SAMD14: variants seen among roughly 807,000 people sequenced by gnomAD.
SAMD14 encodes the protein sterile alpha motif domain containing 14.
In SAMD14, 27 loss-of-function variants were observed where a neutral mutation model predicts 46.2. The observed-to-expected ratio is 0.58, with a 90% CI of 0.43 to 0.81. SAMD14 has a LOEUF of 0.81. SAMD14 is among the 30% of genes least tolerant of loss of function. The pLI is 0.00. For synonymous variants in SAMD14, 241 were observed against 254.3 expected (o/e 0.95, Z 0.50); for missense variants, 559 against 582.2 (o/e 0.96, Z 0.41).
At chr17:50,119,874 C>T (rs1911417672) in intron 2 of SAMD14, among the ~76,000 whole-genome samples, 1 of 152,206 alleles carries the variant, frequency 6.6e-6, no homozygotes, top group Admixed American at 6.5e-5. Context: ...CACCCCAGAG[C>T]TGCTCCTCCC....
At position 50,112,698 on chromosome 17, in the gene SAMD14, C is replaced by G. The variant is rs141795559; in HGVS notation, c.*195G>C. The G allele has an allele frequency of 6.8e-6, 4 of 586,578 alleles. No homozygotes were observed. The highest frequency in any genetic ancestry group is 6.0e-5 in the East Asian group (2 of 33,266). 36.3% of individuals were successfully genotyped at this position (586,578 alleles called of 1,614,324 possible). On this transcript the variant is annotated 3_prime_UTR_variant, in exon 10 of 10. Transcript: ENST00000330175. ...CTCAAAATAGGATTTATTACTAGGC[C>G]CTCTCCCTGGGGTCTCCCTTTCTGG...
At chr17:50,122,379 CT>C (rs1027810633) in intron 2 of SAMD14, among the ~76,000 whole-genome samples, 1 of 152,184 alleles carries the variant, frequency 6.6e-6, no homozygotes, top group Non-Finnish European at 1.5e-5. Context: ...CTAGTGCATG[CT>C]TTGGCGGAGA....
rs1911188425 is a variant in SAMD14 at position 50,116,101 on chromosome 17, A to T, written c.500-11T>A. ...CGTCACGGCTGTCATCTTTCCAGGG[A>T]GAGAAGGAAGGAAACTGCCTGTTTG... On this transcript the variant is annotated splice_polypyrimidine_tract_variant and intron_variant, in intron 4 of 9. Coordinates refer to ENST00000330175, the MANE Select transcript of SAMD14 (RefSeq NM_001257359.2). 1 of 1,609,282 alleles carries T rather than the reference A, an allele frequency of 6.2e-7. No homozygotes were observed. The highest frequency in any genetic ancestry group is 1.3e-5 in the African/African-American group (1 of 74,940).
chr17:50,128,904 A>C (rs1036634261), intron 1 of SAMD14, among the ~76,000 whole-genome samples: 2 of 152,142 alleles, frequency 1.3e-5, no homozygotes, highest in Non-Finnish European at 2.9e-5. Flanking sequence ...AGAAGGGAGA[A>C]GCCCTTCGGG....
At position 50,115,647 on chromosome 17, in the gene SAMD14, C is replaced by T; in HGVS notation, c.739G>A (p.Gly247Ser). ...PFSWFTDSGK[G>S]SASSGSTTSP... Reference sequence around the variant, plus strand: ...GTGGTGCTACCCGAGGATGCTGAGCCCTTGCCGCTGTCCGTGAACCAGGAA... The same window carrying T: ...GTGGTGCTACCCGAGGATGCTGAGCTCTTGCCGCTGTCCGTGAACCAGGAA... Residue 247 changes from glycine to serine, a missense_variant, in exon 7 of 10, where the codon GGC becomes AGC. Transcript: ENST00000330175. This position sits in a 1 kb window ranked among gnomAD's most constrained non-coding sequence, Gnocchi z 5.3. 1 of 1,608,390 alleles carries T rather than the reference C, an allele frequency of 6.2e-7. No homozygotes were observed. Among genetic ancestry groups the T allele is most frequent in the Non-Finnish European group, 8.5e-7 (1 of 1,176,466 alleles).
At chr17:50,122,435 C>A (rs1370998937) in intron 2 of SAMD14, among the ~76,000 whole-genome samples, 1 of 152,106 alleles carries the variant, frequency 6.6e-6, no homozygotes, top group Non-Finnish European at 1.5e-5. Flanking sequence ...CACCTCCATG[C>A]CCATGCCCAC....
chr17:50,113,576 A>C, intron 9 of SAMD14: 1 of 331,974 alleles, frequency 3.0e-6, no homozygotes, highest in South Asian at 3.2e-5. Context: ...GAATCAGACC[A>C]AGCTGACCAG....
chr17:50,129,013 C>T lies in SAMD14; in HGVS notation c.-13+504G>A, dbSNP rs1466456792. Among the ~76,000 whole-genome samples, 1 of 152,190 alleles carries T rather than the reference C, an allele frequency of 6.6e-6. No individual in the cohort carries two copies. The highest frequency in any genetic ancestry group is 1.5e-5 in the Non-Finnish European group (1 of 68,024). ...GTGGATGGGAAAGGAGACTAGCGGTCGGGGAGGCAGTTGTGGAGCCAGAGA... is the reference window on the plus strand; with the variant it reads ...GTGGATGGGAAAGGAGACTAGCGGTTGGGGAGGCAGTTGTGGAGCCAGAGA... On this transcript the variant is annotated intron_variant, in intron 1 of 9. Transcript: ENST00000330175. The surrounding 1 kb of genome is among the most constrained non-coding windows in gnomAD (Gnocchi z 5.6).
intron 2 of SAMD14, chr17:50,124,241 G>C (rs183846702): frequency 1.1e-5 from 5 of 453,836 alleles, no homozygotes; most frequent in African/African-American, 6.0e-5. Context: ...AAGATTGCAG[G>C]GGGTAAATGA....
In SAMD14 at chr17:50,112,791, G is replaced by T; in HGVS notation, c.*102C>A. The T allele has an allele frequency of 7.2e-7, 1 of 1,384,754 alleles. No individual in the cohort carries two copies. The highest frequency in any genetic ancestry group is 9.8e-7 in the Non-Finnish European group (1 of 1,023,560). The allele number at this position is 1,384,754 out of a possible 1,614,324, so 85.8% of individuals were successfully genotyped here. A position where few individuals can be genotyped will look rare whatever the true frequency, so the allele number is the denominator to read the frequency against. On this transcript the variant is annotated 3_prime_UTR_variant, in exon 10 of 10. Coordinates refer to ENST00000330175, the MANE Select transcript of SAMD14 (RefSeq NM_001257359.2). ...GTCCCCCCTGAGAGCGTGGGACCAG[G>T]CTAGCCCAAGTGCAGCGCCCAGGTC...
At chr17:50,114,127 G>C in intron 8 of SAMD14, 48 bp from the exon 9 acceptor site, 1 of 1,613,934 alleles carries the variant, frequency 6.2e-7, no homozygotes, top group African/African-American at 1.3e-5. Flanking sequence ...CCTGTGACCT[G>C]AGCACCTTGC....
At chr17:50,124,314 T>G (rs1911645601) in intron 2 of SAMD14, among the ~76,000 whole-genome samples, 1 of 151,958 alleles carries the variant, frequency 6.6e-6, no homozygotes, top group Non-Finnish European at 1.5e-5. Context: ...CAGGCCAGCA[T>G]GAGGGGGCCA....
intron 1 of SAMD14, among the ~76,000 whole-genome samples, chr17:50,126,177 C>T (rs1911760233): frequency 6.6e-6 from 1 of 152,200 alleles, no homozygotes; most frequent in African/African-American, 2.4e-5. Flanking sequence ...AATGGCAAGG[C>T]ACTGAGCTAG....
Position 50,115,581 on chromosome 17 carries a change from T to G in SAMD14, c.805A>C (p.Lys269Gln), listed in dbSNP as rs774514060. The G allele has an allele frequency of 4.8e-5, 74 of 1,554,122 alleles. No individual in the cohort carries two copies. Among genetic ancestry groups the G allele is most frequent in the Non-Finnish European group, 6.3e-5 (72 of 1,147,884 alleles). The change falls in exon 7 of 10, where the codon AAG becomes CAG. Residue 269 changes from lysine (K) to glutamine (Q), a missense_variant. Physicochemically the swap from Lys to Gln is moderately conservative, Grantham distance 53 (BLOSUM62 1). Coordinates refer to ENST00000330175, the MANE Select transcript of SAMD14 (RefSeq NM_001257359.2). This position sits in a 1 kb window ranked among gnomAD's most constrained non-coding sequence, Gnocchi z 5.3. ...GGACTTACCTGGGAAGCTGACTTCT[T>G]AGGGCTGAAGCCCTCGTGTTTAGGG... ...CSPKHEGFSP[K>Q]KSASQESTLS...
Position 50,113,017 on chromosome 17 carries a change from G to A in SAMD14, c.1130C>T (p.Ala377Val), listed in dbSNP as rs746986172. Reference sequence around the variant, plus strand: ...CTCCTTCAACTTGCGCTTCACCAGTGCCCGGTCATGAGAGTTGCTGAGCCC... The same window carrying A: ...CTCCTTCAACTTGCGCTTCACCAGTACCCGGTCATGAGAGTTGCTGAGCCC... ...SLGLSNSHDRALVKRKLKEMA... is the reference protein window; with the variant it reads ...SLGLSNSHDRVLVKRKLKEMA... Residue 377 changes from alanine to valine, a missense_variant, in exon 10 of 10, where the codon GCA (alanine) becomes GTA (valine). Coordinates refer to ENST00000330175, the MANE Select transcript of SAMD14 (RefSeq NM_001257359.2). The A allele has an allele frequency of 6.2e-7, 1 of 1,612,500 alleles. No individual in the cohort carries two copies. The highest frequency in any genetic ancestry group is 8.5e-7 in the Non-Finnish European group (1 of 1,179,984).
Position 50,117,537 on chromosome 17 carries a change from C to A in SAMD14, c.369G>T (p.Arg123=), listed in dbSNP as rs919856824. ...EPPPSPLTRY[R]PLHNAASHEG... Reference sequence around the variant, plus strand: ...CGTGCGACGCAGCGTTGTGCAGGGGCCGGTAGCGTGTGAGCGGCGAGGGCG... The same window carrying A: ...CGTGCGACGCAGCGTTGTGCAGGGGACGGTAGCGTGTGAGCGGCGAGGGCG... Residue 123 remains arginine, a synonymous_variant, in exon 4 of 10, where the codon CGG becomes CGT. Coordinates refer to ENST00000330175, the MANE Select transcript of SAMD14 (RefSeq NM_001257359.2). The A allele has an allele frequency of 7.1e-6, 11 of 1,552,516 alleles. No individual in the cohort carries two copies. Among genetic ancestry groups the A allele is most frequent in the Non-Finnish European group, 8.6e-6 (10 of 1,159,712 alleles).
chr17:50,122,830 C>T (rs1050167565), intron 2 of SAMD14, among the ~76,000 whole-genome samples: 17 of 151,876 alleles, frequency 1.1e-4, no homozygotes, highest in African/African-American at 3.4e-4. Flanking sequence ...TGGGGAGCAG[C>T]GAGGGGGCCA....
Position 50,124,771 on chromosome 17 carries a change from GCACACACACACACA to G in SAMD14, c.43+132_43+145del, listed in dbSNP as rs10522793. On this transcript the variant is annotated intron_variant, in intron 2 of 9. Transcript: ENST00000330175. ...TACCTGCACGCGTGCACGCGCGCGCGCACACACACACACACACACACACACACACACACACACTC... is the reference window on the plus strand; with the variant it reads ...TACCTGCACGCGTGCACGCGCGCGCGCACACACACACACACACACACACTC... The G allele has an allele frequency of 3.4e-4, 195 of 569,378 alleles. 1 individual carries two copies. The highest frequency in any genetic ancestry group is 1.7e-3 in the African/African-American group (86 of 50,174). 35.3% of individuals were successfully genotyped at this position (569,378 alleles called of 1,614,324 possible).
intron 2 of SAMD14, among the ~76,000 whole-genome samples, 169 bp downstream of exon 2, chr17:50,124,748 C>T (rs574536885): frequency 9.3e-5 from 13 of 139,186 alleles, no homozygotes; most frequent in Non-Finnish European, 1.9e-4. Flanking sequence ...GGCCACAATA[C>T]CTGCACGCGT....
Sources: allele counts gnomAD v4.1 joint callset (sites outside exome capture counted in the v4.1 genomes callset), GRCh38; gene constraint gnomAD v4.1.1; non-coding constraint Gnocchi (gnomAD v3.1); transcripts MANE v1.5; gene names NCBI Gene and HGNC (gene_info 2026-07-23, HGNC 2026-07-21).